Variants in CDH8 observed in about 807,000 individuals in gnomAD.
The protein encoded by CDH8 is cadherin 8.
CDH8 carries 17 observed loss-of-function variants against 68.1 expected under a neutral mutation model. That is an observed-to-expected ratio of 0.25 (90% CI 0.17 to 0.37). The LOEUF is 0.37. CDH8 is among the 10% of genes least tolerant of loss of function. The pLI, the probability that CDH8 is intolerant of heterozygous loss-of-function variation, is 1.00. For missense variants in CDH8, 763 were observed against 999.3 expected, an observed-to-expected ratio of 0.76 and a Z score of 3.19; for synonymous variants, 372 against 365.1, an observed-to-expected ratio of 1.02 and a Z score of -0.21.
intron 2 of CDH8, among the ~76,000 whole-genome samples, chr16:62,008,855 T>C (rs1313188194): frequency 6.6e-6 from 1 of 152,112 alleles, no homozygotes; most frequent in Non-Finnish European, 1.5e-5. Context: ...AAGCTGATTA[T>C]AAATGTTCCT....
intron 10 of CDH8, among the ~76,000 whole-genome samples, chr16:61,678,979 G>A (rs1355050319): frequency 1.3e-5 from 2 of 152,028 alleles, no homozygotes; most frequent in African/African-American, 2.4e-5. Flanking sequence ...CATCAACAGT[G>A]CTGTTCAGCA....
chr16:61,984,091 G>C (rs781682694), intron 2 of CDH8, among the ~76,000 whole-genome samples: 11 of 151,726 alleles, frequency 7.2e-5, no homozygotes, highest in Non-Finnish European at 1.5e-4. Flanking sequence ...GCTAATTTTT[G>C]TATTTTTAGT....
chr16:62,017,301 A>T (rs907636377), intron 2 of CDH8, among the ~76,000 whole-genome samples: 2 of 152,146 alleles, frequency 1.3e-5, no homozygotes, highest in Non-Finnish European at 2.9e-5. Flanking sequence ...AGGAAGAAAA[A>T]CAGTCAAGCA....
intron 4 of CDH8, among the ~76,000 whole-genome samples, chr16:61,832,237 T>A (rs543886356): frequency 6.6e-6 from 1 of 151,776 alleles, no homozygotes; most frequent in African/African-American, 2.4e-5. Context: ...TCGGCCTCCA[T>A]AAGGCTCAAA....
intron 2 of CDH8, among the ~76,000 whole-genome samples, chr16:61,948,837 G>A (rs141500970): frequency 3.4e-4 from 51 of 152,042 alleles, no homozygotes; most frequent in African/African-American, 1.2e-3. Flanking sequence ...CTCTTCTTTC[G>A]AATCGCATAA....
intron 10 of CDH8, among the ~76,000 whole-genome samples, chr16:61,694,668 C>T (rs9302538): frequency 0.21 from 32,356 of 151,960 alleles, 3,809 homozygotes; most frequent in Middle Eastern, 0.29. Flanking sequence ...GGTTCTGTTT[C>T]AATCACAGAA....
chr16:61,968,515 C>T (rs1865875580), intron 2 of CDH8, among the ~76,000 whole-genome samples: 1 of 152,154 alleles, frequency 6.6e-6, no homozygotes, highest in African/African-American at 2.4e-5. Context: ...CCTCCCTTCC[C>T]TTGTAAGCAG....
intron 2 of CDH8, among the ~76,000 whole-genome samples, chr16:61,988,370 C>G (rs1965661305): frequency 6.6e-6 from 1 of 152,156 alleles, no homozygotes; most frequent in Admixed American, 6.5e-5. Context: ...AATTAATATG[C>G]AAGTCAGCTA....
At chr16:61,662,074 T>G (rs1963571045) in intron 10 of CDH8, among the ~76,000 whole-genome samples, 1 of 147,686 alleles carries the variant, frequency 6.8e-6, no homozygotes, top group Non-Finnish European at 1.5e-5. Context: ...TTTTTTACTT[T>G]AGTTTTACTT....
chr16:61,857,034 T>G (rs1209461012), intron 4 of CDH8, 85 bp downstream of exon 4: 24 of 1,494,040 alleles, frequency 1.6e-5, no homozygotes, highest in South Asian at 6.8e-5. Flanking sequence ...TACTTACACA[T>G]AATATTTCAT....
chr16:61,999,032 A>G (rs767133365), intron 2 of CDH8, among the ~76,000 whole-genome samples: 17 of 152,336 alleles, frequency 1.1e-4, no homozygotes, highest in Non-Finnish European at 2.1e-4. Context: ...CATAACTAAT[A>G]CACAGCTTTA....
At chr16:61,985,707 G>A (rs1203923705) in intron 2 of CDH8, among the ~76,000 whole-genome samples, 1 of 151,986 alleles carries the variant, frequency 6.6e-6, no homozygotes, top group Non-Finnish European at 1.5e-5. Flanking sequence ...TGGTCAGGCT[G>A]GTCTCGAACT....
Position 61,817,583 on chromosome 16 carries a change from G to A in CDH8, c.1173C>T (p.Phe391=), listed in dbSNP as rs1962108746. The part of the protein sequence containing the change: ...VVEDADEPPV[F]SSPTYLLEVH... Reference sequence around the variant, plus strand: ...CTTCAAGTAGGTAAGTCGGTGAAGAGAAGACCGGAGGCTCATCAGCATCTT... The same window carrying A: ...CTTCAAGTAGGTAAGTCGGTGAAGAAAAGACCGGAGGCTCATCAGCATCTT... Residue 391 remains phenylalanine, a synonymous_variant, in exon 7 of 12, where the codon TTC becomes TTT. Coordinates refer to ENST00000577390, the MANE Select transcript of CDH8 (RefSeq NM_001796.5). 6.2e-7 allele frequency: 1 copy of A among 1,614,030 alleles called. No individual in the cohort carries two copies. The highest frequency in any genetic ancestry group is 1.3e-5 in the African/African-American group (1 of 75,022).
intron 2 of CDH8, among the ~76,000 whole-genome samples, chr16:61,987,355 A>T (rs2150586733): frequency 6.6e-6 from 1 of 152,146 alleles, no homozygotes; most frequent in African/African-American, 2.4e-5. Flanking sequence ...AATACAAAAA[A>T]AATTAGCTGG....
intron 4 of CDH8, among the ~76,000 whole-genome samples, chr16:61,835,501 G>C (rs947015519): frequency 6.6e-6 from 1 of 151,870 alleles, no homozygotes; most frequent in African/African-American, 2.4e-5. Flanking sequence ...TGGATTCCCT[G>C]TTAAATAATT....
intron 10 of CDH8, among the ~76,000 whole-genome samples, chr16:61,670,042 G>A (rs1963759184): frequency 6.6e-6 from 1 of 151,944 alleles, no homozygotes; most frequent in East Asian, 1.9e-4. Context: ...GTTCAATAAT[G>A]GAACTAATGA....
At chr16:61,851,648 G>C (rs1158808835) in intron 4 of CDH8, among the ~76,000 whole-genome samples, 1 of 148,782 alleles carries the variant, frequency 6.7e-6, no homozygotes, top group Non-Finnish European at 1.5e-5. Flanking sequence ...GGGGTGGCAG[G>C]GAGGGGAAAA....
chr16:61,814,619 A>G (rs1400651743), intron 7 of CDH8, among the ~76,000 whole-genome samples: 1 of 152,180 alleles, frequency 6.6e-6, no homozygotes, highest in Non-Finnish European at 1.5e-5. Flanking sequence ...ACGTTATCCT[A>G]AAAGATGGAT....
chr16:61,661,094 T>C (rs1963548233), intron 10 of CDH8, among the ~76,000 whole-genome samples: 1 of 152,056 alleles, frequency 6.6e-6, no homozygotes, highest in South Asian at 2.1e-4. Context: ...TATAAAACAA[T>C]TATGTTTTTC....
Sources: allele counts gnomAD v4.1 joint callset (sites outside exome capture counted in the v4.1 genomes callset), GRCh38; gene constraint gnomAD v4.1.1; transcripts MANE v1.5; gene names NCBI Gene and HGNC (gene_info 2026-07-23, HGNC 2026-07-21).